Variants in ZFP28 observed in about 807,000 individuals in gnomAD.
The protein encoded by ZFP28 is ZFP28 zinc finger protein, also known as zinc finger protein 28 homolog.
ZFP28 carries 31 observed loss-of-function variants against 39.5 expected under a neutral mutation model. That is an observed-to-expected ratio of 0.79 (90% CI 0.59 to 1.06). The LOEUF is 1.06. Among genes scored for constraint, ZFP28 ranks in the 50% least tolerant of loss-of-function variants. The pLI is 0.00. For missense variants in ZFP28, 925 were observed against 1,048.4 expected, an observed-to-expected ratio of 0.88 and a Z score of 1.63; for synonymous variants, 400 against 378.6, an observed-to-expected ratio of 1.06 and a Z score of -0.66.
chr19:56,550,695 A>G (rs749580014), intron 7 of ZFP28, 90 bp downstream of exon 7: 1 of 1,599,282 alleles, frequency 6.3e-7, no homozygotes, highest in Non-Finnish European at 8.5e-7. Flanking sequence ...AATATACAGT[A>G]GGAAACTTTA....
intron 2 of ZFP28, among the ~76,000 whole-genome samples, chr19:56,541,644 C>T (rs1443251500): frequency 2.6e-5 from 4 of 152,116 alleles, no homozygotes; most frequent in Non-Finnish European, 5.9e-5. Context: ...TGAAAAATCG[C>T]CTTCTCATTT....
In ZFP28 at chr19:56,549,521, CAA is replaced by C. The variant is rs1031138916; in HGVS notation, c.687+405_687+406del. Among the ~76,000 whole-genome samples the C allele has an allele frequency of 5.4e-4, 82 of 152,136 alleles. No homozygotes were observed. In the Middle Eastern group the frequency reaches 0.017, roughly 32 times the overall value. ...TGAAACCCTGTCTCTACTAAAAATA[CAA>C]AAAATTAGCCGGGCGTGCTGGCGGG... is the stretch of plus-strand genomic sequence containing the variant. On this transcript the variant is annotated intron_variant, in intron 5 of 7. Coordinates refer to ENST00000301318, the MANE Select transcript of ZFP28 (RefSeq NM_020828.2).
Position 56,539,242 on chromosome 19 carries a change from GT to G in ZFP28, c.208+19del. On this transcript the variant is annotated intron_variant, in intron 1 of 7. Coordinates refer to ENST00000301318, the MANE Select transcript of ZFP28 (RefSeq NM_020828.2). ...GGGCACAGAGGTGAGAGTGACAGGT[GT>G]TTGGGGCCGAGCGGACAGGGACGAA... 6.3e-7 allele frequency: 1 copy of G among 1,582,952 alleles called. No homozygotes were observed. The highest frequency in any genetic ancestry group is 8.5e-7 in the Non-Finnish European group (1 of 1,170,000).
At position 56,550,910 on chromosome 19, in the gene ZFP28, T is replaced by C. The variant is rs1044263395; in HGVS notation, c.898+305T>C. ...CACTTTTGAGCTGACTTCCAAAGGTTTTCTCTTCTGTGGTTAAATGGCCTA... is the reference window on the plus strand; with the variant it reads ...CACTTTTGAGCTGACTTCCAAAGGTCTTCTCTTCTGTGGTTAAATGGCCTA... On this transcript the variant is annotated intron_variant, in intron 7 of 7. Transcript: ENST00000301318. 6.3e-6 allele frequency: 9 copies of C among 1,428,908 alleles called. No homozygotes were observed. The African/African-American group carries it at 1.1e-4, about 18-fold the overall frequency. 88.5% of individuals were successfully genotyped at this position (1,428,908 alleles called of 1,614,324 possible). A position where few individuals can be genotyped will look rare whatever the true frequency, so the allele number is the denominator to read the frequency against.
intron 4 of ZFP28, among the ~76,000 whole-genome samples, 164 bp downstream of exon 4, chr19:56,548,066 A>G (rs1471689405): frequency 6.6e-6 from 1 of 152,250 alleles, no homozygotes; most frequent in Non-Finnish European, 1.5e-5. Flanking sequence ...TATTATTTCC[A>G]GAACAGCAAA....
In ZFP28 at chr19:56,548,973, G is replaced by A; in HGVS notation, c.539G>A (p.Trp180Ter). The change falls in exon 5 of 8, where the codon TGG becomes TAG. Residue 180 changes from tryptophan to a stop codon, truncating the protein, a stop_gained. Transcript: ENST00000301318. LOFTEE classifies it high-confidence loss of function. Reference sequence around the variant, plus strand: ...CGTCTTTCAGACTTGAAGGCTGTGTGGAAGATCAAGGAGTTACCTCTCAAG... The same window carrying A: ...CGTCTTTCAGACTTGAAGGCTGTGTAGAAGATCAAGGAGTTACCTCTCAAG... ...RAWCPDLKAVWKIKELPLKKD... is the reference protein window; with the variant it reads ...RAWCPDLKAV The A allele has an allele frequency of 1.2e-6, 2 of 1,613,514 alleles. No individual in the cohort carries two copies. Among genetic ancestry groups the A allele is most frequent in the Non-Finnish European group, 1.7e-6 (2 of 1,179,776 alleles).
In ZFP28 at chr19:56,554,309, C is replaced by T. The variant is rs376402856; in HGVS notation, c.1524C>T (p.Ile508=). The T allele has an allele frequency of 3.7e-6, 6 of 1,614,010 alleles. No individual in the cohort carries two copies. The highest frequency in any genetic ancestry group is 4.2e-6 in the Non-Finnish European group (5 of 1,180,014). The change falls in exon 8 of 8, where the codon ATC becomes ATT. Residue 508 remains isoleucine, a synonymous_variant. Coordinates refer to ENST00000301318, the MANE Select transcript of ZFP28 (RefSeq NM_020828.2). This position sits in a 1 kb window ranked among gnomAD's most constrained non-coding sequence, Gnocchi z 6.7. ...CTGGGGAGAAACCCTTTGATTGCAT[C>T]GATTGTGGGAAAGCCTTCAGTGACC... ...YHTGEKPFDC[I]DCGKAFSDHI...
At chr19:56,553,636 T>C (rs1021371528) in intron 7 of ZFP28, 48 bp from the exon 8 acceptor site, 1 of 1,522,516 alleles carries the variant, frequency 6.6e-7, no homozygotes, top group African/African-American at 1.4e-5. Flanking sequence ...AGATTCCTTT[T>C]TCCTAGCACA....
chr19:56,555,575 A>C lies in ZFP28; in HGVS notation c.*183A>C. 1 of 815,950 alleles carries C rather than the reference A, an allele frequency of 1.2e-6. No individual in the cohort carries two copies. Among genetic ancestry groups the C allele is most frequent in the Non-Finnish European group, 1.8e-6 (1 of 542,322 alleles). The allele number at this position is 815,950 out of a possible 1,614,324, so 50.5% of individuals were successfully genotyped here. The stretch of plus-strand genomic sequence containing the variant: ...TTAATGTGTGAGATGTGCTCAGCAC[A>C]GTGCCTGGTCCATAGTAAGTGCTCA... On this transcript the variant is annotated 3_prime_UTR_variant, in exon 8 of 8. Coordinates refer to ENST00000301318, the MANE Select transcript of ZFP28 (RefSeq NM_020828.2).
Position 56,541,612 on chromosome 19 carries a change from A to G in ZFP28, c.300+1896A>G, listed in dbSNP as rs1178927066. Among the ~76,000 whole-genome samples the G allele has an allele frequency of 2.0e-5, 3 of 152,140 alleles. No homozygotes were observed. In the East Asian group the frequency reaches 5.8e-4, roughly 29 times the overall value. ...GACCTGGCTCCTTGTTACCCCTGACATCTACATCACTCTCTTCTTTCTGAA... is the reference window on the plus strand; with the variant it reads ...GACCTGGCTCCTTGTTACCCCTGACGTCTACATCACTCTCTTCTTTCTGAA... On this transcript the variant is annotated intron_variant, in intron 2 of 7. Transcript: ENST00000301318.
rs771009670 is a variant in ZFP28, at chr19:56,554,654, A to T, written c.1869A>T (p.Gly623=). 6.2e-7 allele frequency: 1 copy of T among 1,613,408 alleles called. No homozygotes were observed. Among genetic ancestry groups the T allele is most frequent in the African/African-American group, 1.3e-5 (1 of 74,888 alleles). Residue 623 remains glycine, a synonymous_variant, in exon 8 of 8, where the codon GGA becomes GGT. Transcript: ENST00000301318. The surrounding 1 kb of genome is among the most constrained non-coding windows in gnomAD (Gnocchi z 6.7). ...AGCCTTTTGAATGTGCGGAGTGTGG[A>T]AAATCCTTCAGCATCAGTTCTCAGC... is the stretch of plus-strand genomic sequence containing the variant. The part of the protein sequence containing the change: ...GEKPFECAEC[G]KSFSISSQLA...
chr19:56,548,910 A>G (rs757778013), intron 4 of ZFP28, 48 bp from the exon 5 acceptor site: 31 of 1,514,522 alleles, frequency 2.0e-5, no homozygotes, highest in East Asian at 2.4e-5. Context: ...ATTTTTCTTC[A>G]TACTAACACA....
intron 2 of ZFP28, among the ~76,000 whole-genome samples, chr19:56,541,969 C>T (rs1166660438): frequency 5.4e-5 from 8 of 148,878 alleles, no homozygotes; most frequent in Non-Finnish European, 1.0e-4. Flanking sequence ...TCAAGTGATC[C>T]GCCCACCTCA....
In ZFP28 at chr19:56,549,811, CTG is replaced by C. The variant is rs542615163; in HGVS notation, c.688-250_688-249del. Among the ~76,000 whole-genome samples the C allele has an allele frequency of 2.6e-3, 399 of 152,284 alleles. 5 individuals are homozygous for C. Among genetic ancestry groups the C allele is most frequent in the African/African-American group, 9.0e-3 (376 of 41,558 alleles). On this transcript the variant is annotated intron_variant, in intron 5 of 7. Coordinates refer to ENST00000301318, the MANE Select transcript of ZFP28 (RefSeq NM_020828.2). ...CCTTCCGTCTGTTAAAAGGTTCATA[CTG>C]TGTGTAAGTTCATACTGTGTGTAAG...
At position 56,550,564 on chromosome 19, in the gene ZFP28, C is replaced by A; in HGVS notation, c.857C>A (p.Pro286His). The change falls in exon 7 of 8, where the codon CCC (proline) becomes CAC (histidine). Residue 286 changes from proline to histidine, a missense_variant. Pro to His is a moderately conservative substitution (Grantham distance 77). Coordinates refer to ENST00000301318, the MANE Select transcript of ZFP28 (RefSeq NM_020828.2). ...TCTTTACTAGAGCAAGAGAAGGAGC[C>A]CTGGATGGTGAAGCGAGAGCTGACA... ...LVSLLEQEKE[P>H]WMVKRELTGS... 6.2e-7 allele frequency: 1 copy of A among 1,614,078 alleles called. No homozygotes were observed. The highest frequency in any genetic ancestry group is 1.1e-5 in the South Asian group (1 of 91,078).
At chr19:56,551,803 CTG>C in intron 7 of ZFP28, 1 of 984,022 alleles carries the variant, frequency 1.0e-6, no homozygotes, top group Non-Finnish European at 1.2e-6. Flanking sequence ...TGTAAAATGT[CTG>C]TCATTTGTAC....
At chr19:56,550,679 C>G in intron 7 of ZFP28, 74 bp downstream of exon 7, 1 of 1,606,126 alleles carries the variant, frequency 6.2e-7, no homozygotes, top group Non-Finnish European at 8.5e-7. Context: ...AGGCTGCATC[C>G]TCACTAATAT....
At position 56,539,110 on chromosome 19, in the gene ZFP28, C is replaced by T; in HGVS notation, c.92C>T (p.Pro31Leu). 6.4e-7 allele frequency: 1 copy of T among 1,565,058 alleles called. No homozygotes were observed. The highest frequency in any genetic ancestry group is 8.6e-7 in the Non-Finnish European group (1 of 1,161,552). The change falls in exon 1 of 8, where the codon CCG (proline) becomes CTG (leucine). Residue 31 changes from proline (P) to leucine (L), a missense_variant. Transcript: ENST00000301318. ...ACAAAGCCCCGGGCGGGCCGAGGCCCGACTGTAGGGACTCCAGCCACCTTG... is the reference window on the plus strand; with the variant it reads ...ACAAAGCCCCGGGCGGGCCGAGGCCTGACTGTAGGGACTCCAGCCACCTTG... ...PRTKPRAGRG[P>L]TVGTPATLAL...
At chr19:56,549,655 T>A (rs796702974) in intron 5 of ZFP28, among the ~76,000 whole-genome samples, 10 of 151,622 alleles carry the variant, frequency 6.6e-5, no homozygotes, top group African/African-American at 2.2e-4. Context: ...CCAGCCTGGG[T>A]GACAGAGCAA....
Sources: allele counts gnomAD v4.1 joint callset (sites outside exome capture counted in the v4.1 genomes callset), GRCh38; gene constraint gnomAD v4.1.1; non-coding constraint Gnocchi (gnomAD v3.1); transcripts MANE v1.5; gene names NCBI Gene and HGNC (gene_info 2026-07-23, HGNC 2026-07-21).